NKAIN3: variants seen among roughly 807,000 people sequenced by gnomAD.
NKAIN3 encodes the protein sodium/potassium transporting ATPase interacting 3.
NKAIN3 carries 25 observed loss-of-function variants against 30.2 expected under a neutral mutation model. The observed-to-expected ratio is 0.83, with a 90% CI of 0.60 to 1.16. The LOEUF is 1.16. NKAIN3 is among the 50% of genes most tolerant of loss of function. The pLI is 0.00. For synonymous variants in NKAIN3, 91 were observed against 89.6 expected, an observed-to-expected ratio of 1.02 and a Z score of -0.09; for missense variants, 225 against 254.1, an observed-to-expected ratio of 0.89 and a Z score of 0.78.
At chr8:62,885,260 T>A (rs906052750) in intron 4 of NKAIN3, among the ~76,000 whole-genome samples, 2 of 152,226 alleles carry the variant, frequency 1.3e-5, no homozygotes, top group Non-Finnish European at 2.9e-5. Context: ...TCGAAGGATG[T>A]TGCTTAATCT....
chr8:62,563,755 C>T (rs1291065813), intron 1 of NKAIN3, among the ~76,000 whole-genome samples: 1 of 152,112 alleles, frequency 6.6e-6, no homozygotes, highest in East Asian at 1.9e-4. Context: ...TTAGGTTTCT[C>T]TACAGGATGT....
intron 1 of NKAIN3, among the ~76,000 whole-genome samples, chr8:62,443,708 C>T (rs919330358): frequency 1.8e-4 from 28 of 152,002 alleles, no homozygotes; most frequent in Non-Finnish European, 3.7e-4. Flanking sequence ...TTTTAACTGC[C>T]ACCACAATTG....
At chr8:62,673,886 G>A (rs1813388803) in intron 3 of NKAIN3, among the ~76,000 whole-genome samples, 1 of 152,204 alleles carries the variant, frequency 6.6e-6, no homozygotes, top group Non-Finnish European at 1.5e-5. Context: ...TCATTCTGCA[G>A]CATATGACTG....
At chr8:62,720,371 A>G (rs1563531035) in intron 3 of NKAIN3, among the ~76,000 whole-genome samples, 1 of 152,152 alleles carries the variant, frequency 6.6e-6, no homozygotes, top group Non-Finnish European at 1.5e-5. Context: ...TTCTATTACA[A>G]CTCTCTGAAT....
chr8:62,849,021 T>G (rs144660378), intron 4 of NKAIN3, among the ~76,000 whole-genome samples: 1 of 152,236 alleles, frequency 6.6e-6, no homozygotes, highest in Non-Finnish European at 1.5e-5. Context: ...CCAACTTGAT[T>G]GTGGTGGATA....
intron 4 of NKAIN3, among the ~76,000 whole-genome samples, chr8:62,859,508 T>TAACAAAAAAAAAAAAAAAAAAA (rs1820173262): frequency 1.7e-5 from 1 of 60,442 alleles, no homozygotes; most frequent in African/African-American, 5.6e-5. Context: ...TTACTTCAAC[T>TAACAAAAAAAAAAAAAAAAAAA]AAAAAAAAAA....
intron 4 of NKAIN3, among the ~76,000 whole-genome samples, chr8:62,849,745 G>GT (rs200983892): frequency 0.013 from 1,937 of 151,866 alleles, 36 homozygotes; most frequent in African/African-American, 0.045. Context: ...GAGAGTGATG[G>GT]TTTCCAGCTT....
At chr8:62,734,691 A>T (rs949427292) in intron 3 of NKAIN3, among the ~76,000 whole-genome samples, 2 of 152,248 alleles carry the variant, frequency 1.3e-5, no homozygotes, top group Admixed American at 1.3e-4. Flanking sequence ...ATGTTTTGAG[A>T]AAAAGTCAGG....
At chr8:62,953,736 T>C (rs1158989506) in intron 5 of NKAIN3, among the ~76,000 whole-genome samples, 166 bp from the exon 6 acceptor site, 1 of 152,236 alleles carries the variant, frequency 6.6e-6, no homozygotes, top group African/African-American at 2.4e-5. Flanking sequence ...ATTTCCTCTT[T>C]TTGGCTCATT....
chr8:62,284,913 TGTGA>T (rs546443018), intron 1 of NKAIN3, among the ~76,000 whole-genome samples: 215 of 152,312 alleles, frequency 1.4e-3, no homozygotes, highest in African/African-American at 4.9e-3. Context: ...GACATGCACC[TGTGA>T]GTAAGTTGGT....
intron 1 of NKAIN3, among the ~76,000 whole-genome samples, chr8:62,342,977 A>T (rs1010378862): frequency 1.3e-5 from 2 of 152,104 alleles, no homozygotes; most frequent in African/African-American, 4.8e-5. Context: ...ATGTCTGATG[A>T]GAACTCAGAG....
At chr8:62,574,027 T>C (rs1389707622) in intron 1 of NKAIN3, among the ~76,000 whole-genome samples, 1 of 152,176 alleles carries the variant, frequency 6.6e-6, no homozygotes, top group Non-Finnish European at 1.5e-5. Flanking sequence ...CTCCAACCCC[T>C]ACTACCCTTC....
At chr8:62,591,006 T>C (rs57536286) in intron 3 of NKAIN3, among the ~76,000 whole-genome samples, 3,170 of 152,082 alleles carry the variant, frequency 0.021, 126 homozygotes, top group African/African-American at 0.073. Flanking sequence ...AATTAATGTC[T>C]AGTTATATTC....
At chr8:62,698,840 C>T (rs909704050) in intron 3 of NKAIN3, among the ~76,000 whole-genome samples, 1 of 152,124 alleles carries the variant, frequency 6.6e-6, no homozygotes, top group Non-Finnish European at 1.5e-5. Context: ...CGGAACCACG[C>T]AACAATCCAC....
intron 3 of NKAIN3, among the ~76,000 whole-genome samples, chr8:62,692,787 C>G (rs577989688): frequency 6.6e-6 from 1 of 152,346 alleles, no homozygotes; most frequent in South Asian, 2.1e-4. Context: ...TCAACAATTT[C>G]ATCCACTTCA....
chr8:62,572,966 AG>A (rs760178518), intron 1 of NKAIN3, among the ~76,000 whole-genome samples: 1 of 152,198 alleles, frequency 6.6e-6, no homozygotes, highest in Non-Finnish European at 1.5e-5. Flanking sequence ...GAAATAAGCA[AG>A]CAGGGACATT....
chr8:62,513,583 T>A (rs1350207120), intron 1 of NKAIN3, among the ~76,000 whole-genome samples: 4 of 151,848 alleles, frequency 2.6e-5, no homozygotes, highest in Admixed American at 6.6e-5. Context: ...GAAAGAGGAT[T>A]TGTGGCCAGG....
Position 62,420,346 on chromosome 8 carries a change from C to T in NKAIN3, c.55-159193C>T, listed in dbSNP as rs373807829. On this transcript the variant is annotated intron_variant, in intron 1 of 6. Coordinates refer to ENST00000623646, the MANE Select transcript of NKAIN3 (RefSeq NM_001304533.3). ...ATGCCTCAGCAGATCTGATTGTACT[C>T]AACTTAAAGGGTGATTCCAATTACA... 3.3e-5 allele frequency among the ~76,000 whole-genome samples: 5 copies of T among 152,256 alleles called. No homozygotes were observed. The East Asian group carries it at 7.7e-4, about 24-fold the overall frequency.
intron 4 of NKAIN3, among the ~76,000 whole-genome samples, chr8:62,790,563 G>A (rs1338632166): frequency 6.9e-6 from 1 of 144,098 alleles, no homozygotes; most frequent in African/African-American, 2.5e-5. Context: ...GTGTGTGTGT[G>A]TGTGTCTGTC....
Sources: gnomAD v4.1 joint callset for allele counts (sites outside exome capture counted in the v4.1 genomes callset) on GRCh38, gnomAD v4.1.1 for gene constraint, MANE v1.5 for transcripts, NCBI Gene and HGNC (gene_info 2026-07-23, HGNC 2026-07-21) for gene names.